Variants in LINGO2 observed in about 807,000 individuals in gnomAD.
LINGO2 encodes leucine rich repeat and Ig domain containing 2, also known as leucine-rich repeat and immunoglobulin-like domain-containing nogo receptor-interacting protein 2.
LINGO2 carries 14 observed loss-of-function variants against 30.6 expected under a neutral mutation model. That is an observed-to-expected ratio of 0.46 (90% CI 0.30 to 0.72). LINGO2 has a LOEUF of 0.72. Ranked by LOEUF, LINGO2 falls within the 30% of genes least tolerant of loss-of-function variation. The pLI is 0.07. For synonymous variants in LINGO2, 317 were observed against 288.5 expected, an observed-to-expected ratio of 1.10 and a Z score of -1.00; for missense variants, 729 against 751.7, an observed-to-expected ratio of 0.97 and a Z score of 0.35.
the LINGO2 span, among the ~76,000 whole-genome samples, chr9:29,012,788 C>T: frequency 3.3e-5 from 5 of 152,106 alleles, no homozygotes; most frequent in East Asian, 9.6e-4. Context: ...TCTACTTTTG[C>T]TTTTTGTAAC....
intron 5 of LINGO2, among the ~76,000 whole-genome samples, chr9:27,995,180 A>G (rs1821597356): frequency 6.6e-6 from 1 of 152,170 alleles, no homozygotes; most frequent in African/African-American, 2.4e-5. Flanking sequence ...CCCTACCAAG[A>G]TTGAACCATA....
intron 3 of LINGO2, among the ~76,000 whole-genome samples, chr9:28,321,461 C>A (rs1169658059): frequency 1.3e-5 from 2 of 152,136 alleles, no homozygotes; most frequent in Non-Finnish European, 2.9e-5. Flanking sequence ...AATCACTAGT[C>A]ATAACAGTAA....
the LINGO2 span, among the ~76,000 whole-genome samples, chr9:28,907,481 G>A: frequency 9.2e-3 from 1,398 of 151,814 alleles, 10 homozygotes; most frequent in Non-Finnish European, 0.012. Flanking sequence ...AGTAGAGGGA[G>A]AGAAGTGATG....
intron 4 of LINGO2, among the ~76,000 whole-genome samples, chr9:28,222,067 G>A (rs555702341): frequency 6.6e-6 from 1 of 152,168 alleles, no homozygotes; most frequent in South Asian, 2.1e-4. Context: ...AAATCCAGAA[G>A]CATGAATATA....
At chr9:28,191,412 C>T (rs1199690771) in intron 4 of LINGO2, among the ~76,000 whole-genome samples, 1 of 152,132 alleles carries the variant, frequency 6.6e-6, no homozygotes, top group Non-Finnish European at 1.5e-5. Context: ...ATTCCTGCTG[C>T]CTGTGATTTC....
chr9:28,324,298 C>T (rs922059679), intron 3 of LINGO2, among the ~76,000 whole-genome samples: 1 of 152,154 alleles, frequency 6.6e-6, no homozygotes. Context: ...CACAAACCTG[C>T]ATCTACCTCT....
chr9:27,962,510 G>A (rs28668524), intron 5 of LINGO2, among the ~76,000 whole-genome samples: 2,093 of 152,224 alleles, frequency 0.014, 58 homozygotes, highest in African/African-American at 0.048. Context: ...CGGCAAGCCT[G>A]CTGTAGGCAA....
At chr9:28,332,871 G>A (rs1191821632) in intron 3 of LINGO2, among the ~76,000 whole-genome samples, 1 of 152,126 alleles carries the variant, frequency 6.6e-6, no homozygotes, top group Non-Finnish European at 1.5e-5. Flanking sequence ...GGGGATGGGG[G>A]CTGACTCAAT....
intron 3 of LINGO2, among the ~76,000 whole-genome samples, chr9:28,344,887 A>G (rs566641592): frequency 6.6e-6 from 1 of 152,270 alleles, no homozygotes; most frequent in African/African-American, 2.4e-5. Context: ...GCACCAAAGC[A>G]TCTTAGGGTG....
chr9:28,744,625 T>C, the LINGO2 span, among the ~76,000 whole-genome samples: 1 of 145,016 alleles, frequency 6.9e-6, no homozygotes, highest in South Asian at 2.2e-4. Flanking sequence ...TGTGTGTGTG[T>C]GTGTGTGTGT....
chr9:28,871,234 ATACTT>A, the LINGO2 span, among the ~76,000 whole-genome samples: 1 of 151,724 alleles, frequency 6.6e-6, no homozygotes, highest in South Asian at 2.1e-4. Flanking sequence ...TAATATATAA[ATACTT>A]TAAAATACAG....
At chr9:28,719,824 A>C in the LINGO2 span, among the ~76,000 whole-genome samples, 1 of 152,144 alleles carries the variant, frequency 6.6e-6, no homozygotes, top group South Asian at 2.1e-4. Context: ...ACTTGTTATA[A>C]AATGAACTGC....
chr9:28,844,188 C>A, the LINGO2 span, among the ~76,000 whole-genome samples: 1 of 151,644 alleles, frequency 6.6e-6, no homozygotes, highest in Admixed American at 6.6e-5. Flanking sequence ...ATGGTGAAAC[C>A]CCATCTCTAC....
the LINGO2 span, among the ~76,000 whole-genome samples, chr9:28,964,661 A>G: frequency 6.6e-6 from 1 of 152,004 alleles, no homozygotes; most frequent in Admixed American, 6.6e-5. Context: ...CAGTTAGGGT[A>G]ATTTTGCAAT....
At chr9:28,210,377 G>A (rs751139224) in intron 4 of LINGO2, among the ~76,000 whole-genome samples, 5 of 151,140 alleles carry the variant, frequency 3.3e-5, no homozygotes, top group African/African-American at 4.8e-5. Context: ...TTCTATCCTC[G>A]AACTCCATCA....
At chr9:28,191,741 C>T (rs1819830337) in intron 4 of LINGO2, among the ~76,000 whole-genome samples, 1 of 152,110 alleles carries the variant, frequency 6.6e-6, no homozygotes, top group Admixed American at 6.6e-5. Context: ...CTTGACCTCT[C>T]AGCAGAACCT....
At chr9:28,551,434 C>T (rs1822276198) in intron 1 of LINGO2, among the ~76,000 whole-genome samples, 1 of 151,824 alleles carries the variant, frequency 6.6e-6, no homozygotes, top group Non-Finnish European at 1.5e-5. Flanking sequence ...GGAAACCAAA[C>T]TATTATTGAA....
At chr9:28,714,769 T>C in the LINGO2 span, among the ~76,000 whole-genome samples, 1 of 152,262 alleles carries the variant, frequency 6.6e-6, no homozygotes, top group East Asian at 1.9e-4. Context: ...CACTCTAAAA[T>C]AAAATAATTG....
chr9:28,498,335 A>C (rs1819741191), intron 1 of LINGO2, among the ~76,000 whole-genome samples: 1 of 152,044 alleles, frequency 6.6e-6, no homozygotes. Flanking sequence ...CACTTTGTTT[A>C]CCTACTTAAG....
Sources: allele counts gnomAD v4.1 joint callset (sites outside exome capture counted in the v4.1 genomes callset), GRCh38; gene constraint gnomAD v4.1.1; transcripts MANE v1.5; gene names NCBI Gene and HGNC (gene_info 2026-07-23, HGNC 2026-07-21).